SEC16B: variants seen among roughly 807,000 people sequenced by gnomAD.
SEC16B encodes the protein protein transport protein Sec16B.
Under a neutral mutation model 141.8 loss-of-function variants are expected in SEC16B, and 115 were observed. The ratio of observed to expected loss-of-function variants is 0.81; its 90% confidence interval spans 0.70 to 0.95. SEC16B has a LOEUF of 0.95. SEC16B is among the 40% of genes least tolerant of loss of function. The pLI, the probability that SEC16B is intolerant of heterozygous loss-of-function variation, is 0.00. For synonymous variants in SEC16B, 493 were observed against 492.5 expected, an observed-to-expected ratio of 1.00 and a Z score of -0.01; for missense variants, 1,291 against 1,312.3, an observed-to-expected ratio of 0.98 and a Z score of 0.25.
At chr1:177,964,126 C>A in intron 5 of SEC16B, 45 bp downstream of exon 5, 1 of 1,399,150 alleles carries the variant, frequency 7.1e-7, no homozygotes, top group Non-Finnish European at 9.9e-7. Context: ...GTGTCAGCTG[C>A]GACACATGGC....
At position 177,937,540 on chromosome 1, in the gene SEC16B, A is replaced by T. The variant is rs374050637; in HGVS notation, c.2204-27T>A. ...TAAGGACGTGGAACAAAGGTAAAGA[A>T]GTCAGACCTGAAATGCGGCATTTGC... On this transcript the variant is annotated intron_variant, in intron 18 of 25. Coordinates refer to ENST00000308284, the MANE Select transcript of SEC16B (RefSeq NM_033127.4). The T allele has an allele frequency of 2.0e-4, 297 of 1,478,304 alleles. 2 individuals are homozygous for T. The highest frequency in any genetic ancestry group is 2.5e-4 in the Non-Finnish European group (283 of 1,112,144). The allele number at this position is 1,478,304 out of a possible 1,614,324, so 91.6% of individuals were successfully genotyped here. A position where few individuals can be genotyped will look rare whatever the true frequency, so the allele number is the denominator to read the frequency against.
chr1:177,975,534 C>T (rs1654138491), intron 1 of SEC16B, among the ~76,000 whole-genome samples: 2 of 152,158 alleles, frequency 1.3e-5, no homozygotes, highest in African/African-American at 4.8e-5. Flanking sequence ...CACAAATTAT[C>T]TGCATACTTT....
At chr1:177,932,866 C>A in intron 22 of SEC16B, 60 bp from the exon 23 acceptor site, 1 of 1,476,594 alleles carries the variant, frequency 6.8e-7, no homozygotes, top group Admixed American at 1.9e-5. Context: ...AATTGATGCC[C>A]GCCAATTTGT....
intron 8 of SEC16B, 171 bp from the exon 9 acceptor site, chr1:177,959,146 A>T: frequency 4.2e-6 from 3 of 718,704 alleles, no homozygotes; most frequent in Non-Finnish European, 7.2e-6. Flanking sequence ...TTATTTTCTT[A>T]TAGAACAAGA....
At chr1:177,952,068 G>A in intron 11 of SEC16B, 73 bp from the exon 12 acceptor site, 1 of 1,271,766 alleles carries the variant, frequency 7.9e-7, no homozygotes, top group South Asian at 1.3e-5. Flanking sequence ...AAGGCTCAGG[G>A]CCTTGCATAA....
At chr1:177,980,020 G>C (rs1258644677) in intron 1 of SEC16B, among the ~76,000 whole-genome samples, 1 of 152,178 alleles carries the variant, frequency 6.6e-6, no homozygotes, top group Admixed American at 6.5e-5. Context: ...GTCATTACAA[G>C]GGAGATGGCT....
Position 177,939,740 on chromosome 1 carries a change from G to C in SEC16B, c.2165C>G (p.Thr722Ser). 6.3e-7 allele frequency: 1 copy of C among 1,596,304 alleles called. No individual in the cohort carries two copies. Among genetic ancestry groups the C allele is most frequent in the Non-Finnish European group, 8.5e-7 (1 of 1,170,538 alleles). Residue 722 changes from threonine to serine, a missense_variant, in exon 18 of 26, where the codon ACT becomes AGT. This residue lies in a region of SEC16B where 605 missense variants were observed against 614.1 expected (regional missense o/e 0.99). Transcript: ENST00000308284. ...VAGDIGDPHP[T>S]RSDISGAGGT... ...TCCGGCTCCCGAAATATCTGAGCGA[G>C]TAGGATGAGGATCCCCAATGTCTCC... is the stretch of plus-strand genomic sequence containing the variant.
intron 3 of SEC16B, 28 bp downstream of exon 3, chr1:177,965,865 C>T: frequency 7.0e-7 from 1 of 1,433,722 alleles, no homozygotes. Context: ...CCCCAAATCC[C>T]AGAGGCTTCT....
chr1:177,968,159 A>G (rs1409636521), intron 1 of SEC16B, 120 bp from the exon 2 acceptor site: 2 of 529,530 alleles, frequency 3.8e-6, no homozygotes, highest in Non-Finnish European at 6.5e-6. Context: ...AACAAACCAT[A>G]TGGTCACGGA....
intron 1 of SEC16B, among the ~76,000 whole-genome samples, chr1:177,968,970 T>A (rs1000288029): frequency 3.9e-5 from 6 of 152,174 alleles, no homozygotes; most frequent in Admixed American, 2.0e-4. Context: ...ACCTTCCAGG[T>A]TCCTCTGCCC....
chr1:177,933,381 C>T (rs1650597187), intron 21 of SEC16B, 69 bp from the exon 22 acceptor site: 1 of 1,554,378 alleles, frequency 6.4e-7, no homozygotes, highest in Non-Finnish European at 8.7e-7. Context: ...GTTAACCCGC[C>T]CCCATGTAAC....
At chr1:177,949,532 G>A (rs1354168380) in intron 12 of SEC16B, among the ~76,000 whole-genome samples, 1 of 152,026 alleles carries the variant, frequency 6.6e-6, no homozygotes, top group Non-Finnish European at 1.5e-5. Flanking sequence ...AGTAGAGAGA[G>A]AGAGAGAGAG....
intron 15 of SEC16B, among the ~76,000 whole-genome samples, chr1:177,943,173 T>C (rs1042726614): frequency 2.0e-5 from 3 of 151,700 alleles, no homozygotes; most frequent in African/African-American, 7.3e-5. Context: ...ACAGGTGGGA[T>C]GAATAAAGAA....
At chr1:177,966,783 C>T (rs1571350632) in intron 2 of SEC16B, among the ~76,000 whole-genome samples, 1 of 152,056 alleles carries the variant, frequency 6.6e-6, no homozygotes, top group Non-Finnish European at 1.5e-5. Context: ...CCATGTTGAC[C>T]AGGCTGGTCT....
Position 177,977,133 on chromosome 1 carries a change from A to G in SEC16B, c.-59+7073T>C, listed in dbSNP as rs74130807. On this transcript the variant is annotated intron_variant and NMD_transcript_variant, in intron 1 of 24. Transcript: ENST00000528461. The stretch of plus-strand genomic sequence containing the variant: ...TTTTAAGATGAAGCATGATACTTCA[A>G]AGAAACTTTACATGTGCAATGGGAC... 5.2e-3 allele frequency among the ~76,000 whole-genome samples: 796 copies of G among 152,296 alleles called. 10 individuals carry two copies. Among genetic ancestry groups the G allele is most frequent in the African/African-American group, 0.018 (767 of 41,546 alleles).
chr1:177,932,582 G>A lies in SEC16B; in HGVS notation c.2933-13C>T, dbSNP rs747000437. On this transcript the variant is annotated splice_polypyrimidine_tract_variant and intron_variant, in intron 23 of 25. Coordinates refer to ENST00000308284, the MANE Select transcript of SEC16B (RefSeq NM_033127.4). ...CCTTCACCCCCACCTGGAAAGTAAT[G>A]AGGCAGAGCTGTTTCCTCTGCTCAG... The A allele has an allele frequency of 6.5e-7, 1 of 1,547,328 alleles. No homozygotes were observed. Among genetic ancestry groups the A allele is most frequent in the Admixed American group, 2.0e-5 (1 of 50,286 alleles).
intron 8 of SEC16B, chr1:177,959,957 A>G: frequency 4.1e-6 from 1 of 245,534 alleles, no homozygotes; most frequent in Non-Finnish European, 7.9e-6. Flanking sequence ...TTACCTCTCC[A>G]GGAAAAAGCC....
At chr1:177,939,835 G>T in intron 17 of SEC16B, 58 bp from the exon 18 acceptor site, 1 of 1,308,086 alleles carries the variant, frequency 7.6e-7, no homozygotes, top group Non-Finnish European at 1.1e-6. Context: ...CAAGAACAGA[G>T]AAACAAAGTG....
intron 14 of SEC16B, 146 bp downstream of exon 14, chr1:177,946,274 T>C (rs1010364859): frequency 1.5e-5 from 11 of 735,178 alleles, no homozygotes; most frequent in African/African-American, 5.2e-5. Context: ...TGCACAGACC[T>C]GCACAGATAA....
Sources: gnomAD v4.1 joint callset for allele counts (sites outside exome capture counted in the v4.1 genomes callset) on GRCh38, gnomAD v4.1.1 for gene constraint, gnomAD v4.1.1 regional missense constraint, MANE v1.5 for transcripts, NCBI Gene and HGNC (gene_info 2026-07-23, HGNC 2026-07-21) for gene names.